GOLGA1: variants seen among roughly 807,000 people sequenced by gnomAD.
The protein encoded by GOLGA1 is golgin A1.
In GOLGA1, 63 loss-of-function variants were observed where a neutral mutation model predicts 119.7. The ratio of observed to expected loss-of-function variants is 0.53; its 90% CI spans 0.43 to 0.65. The LOEUF is 0.65. Among genes scored for constraint, GOLGA1 ranks in the 30% least tolerant of loss-of-function variants. GOLGA1 has a pLI of 0.00. For missense variants in GOLGA1, 798 were observed against 912.8 expected, an observed-to-expected ratio of 0.87 and a Z score of 1.62; for synonymous variants, 318 against 333.4, an observed-to-expected ratio of 0.95 and a Z score of 0.50.
Position 124,935,266 on chromosome 9 carries a change from C to T in GOLGA1, c.135+3311G>A, listed in dbSNP as rs1462363708. Among the ~76,000 whole-genome samples, 5 of 152,058 alleles carry T rather than the reference C, an allele frequency of 3.3e-5. No homozygotes were observed. The East Asian group carries it at 7.7e-4, about 23-fold the overall frequency. ...TTTGGGGATGGGACCCAAGTGTAAA[C>T]GTGAAATTATGTTCCATATACGTTT... On this transcript the variant is annotated intron_variant, in intron 3 of 22. Transcript: ENST00000373555.
intron 7 of GOLGA1, among the ~76,000 whole-genome samples, chr9:124,924,510 T>A (rs1830634916): frequency 6.6e-6 from 1 of 151,686 alleles, no homozygotes; most frequent in Admixed American, 6.6e-5. Flanking sequence ...CATGTGCTTG[T>A]AATCCCAGCT....
chr9:124,930,607 T>A (rs1034615158), intron 4 of GOLGA1, among the ~76,000 whole-genome samples: 2 of 152,236 alleles, frequency 1.3e-5, no homozygotes, highest in African/African-American at 4.8e-5. Context: ...AACTTCGGTC[T>A]GCTGTTTTAC....
At chr9:124,891,307 G>C (rs1261882286) in intron 15 of GOLGA1, among the ~76,000 whole-genome samples, 2 of 152,262 alleles carry the variant, frequency 1.3e-5, no homozygotes, top group Non-Finnish European at 2.9e-5. Context: ...CCCATGCACG[G>C]CTGCCTCTGC....
At chr9:124,925,038 C>G (rs1002321922) in intron 7 of GOLGA1, among the ~76,000 whole-genome samples, 1 of 151,318 alleles carries the variant, frequency 6.6e-6, no homozygotes, top group Non-Finnish European at 1.5e-5. Context: ...CAAGATCATG[C>G]CACTGTACTC....
At chr9:124,904,228 T>G (rs772015589) in intron 12 of GOLGA1, among the ~76,000 whole-genome samples, 2 of 151,692 alleles carry the variant, frequency 1.3e-5, no homozygotes, top group Non-Finnish European at 2.9e-5. Flanking sequence ...GTATCTAGAG[T>G]GTCCAAACTC....
rs1185642532 is a variant in GOLGA1 at position 124,879,710 on chromosome 9, G to A, written c.*820C>T. The A allele has an allele frequency of 1.3e-5, 2 of 151,804 alleles. No individual in the cohort carries two copies. The highest frequency in any genetic ancestry group is 2.9e-5 in the Non-Finnish European group (2 of 67,974). 9.4% of individuals were successfully genotyped at this position (151,804 alleles called of 1,614,324 possible). A position where few individuals can be genotyped will look rare whatever the true frequency, so the allele number is the denominator to read the frequency against. On this transcript the variant is annotated 3_prime_UTR_variant, in exon 23 of 23. Transcript: ENST00000373555. ...AGGAAGAATTTCCTCTGGACGCTCT[G>A]ATTTTAAGAACACCAGTTAAATGGA...
chr9:124,935,112 G>A (rs1830839115), intron 3 of GOLGA1, among the ~76,000 whole-genome samples: 1 of 152,166 alleles, frequency 6.6e-6, no homozygotes, highest in Non-Finnish European at 1.5e-5. Context: ...GTCCCAGAAA[G>A]AAAGGCAGCT....
At position 124,881,663 on chromosome 9, in the gene GOLGA1, C is replaced by G. The variant is rs1296712673; in HGVS notation, c.2136+121G>C. On this transcript the variant is annotated intron_variant, in intron 21 of 22. Transcript: ENST00000373555. This position sits in a 1 kb window ranked among gnomAD's most constrained non-coding sequence, Gnocchi z 4.9. Reference sequence around the variant, plus strand: ...CCAGCAGGAGAAATGACTGGGTGACCACAAGGGCGTCAAACCAGGATGTAC... The same window carrying G: ...CCAGCAGGAGAAATGACTGGGTGACGACAAGGGCGTCAAACCAGGATGTAC... The G allele has an allele frequency of 2.7e-6, 2 of 741,116 alleles. No individual in the cohort carries two copies. Among genetic ancestry groups the G allele is most frequent in the Non-Finnish European group, 4.6e-6 (2 of 436,932 alleles). 45.9% of individuals were successfully genotyped at this position (741,116 alleles called of 1,614,324 possible). A position where few individuals can be genotyped will look rare whatever the true frequency, so the allele number is the denominator to read the frequency against.
At chr9:124,933,548 G>A (rs1241021908) in intron 3 of GOLGA1, among the ~76,000 whole-genome samples, 1 of 152,058 alleles carries the variant, frequency 6.6e-6, no homozygotes, top group Non-Finnish European at 1.5e-5. Context: ...CTGAGTAGCT[G>A]GGACTACAGG....
intron 15 of GOLGA1, among the ~76,000 whole-genome samples, chr9:124,893,869 C>T (rs1248089923): frequency 2.0e-5 from 3 of 152,170 alleles, no homozygotes; most frequent in South Asian, 2.1e-4. Flanking sequence ...CCTGTAGGCT[C>T]CTACAAGCAG....
intron 19 of GOLGA1, among the ~76,000 whole-genome samples, chr9:124,887,016 G>C (rs1042823156): frequency 2.0e-5 from 3 of 152,224 alleles, no homozygotes; most frequent in Non-Finnish European, 4.4e-5. Flanking sequence ...TGCAGGCAGG[G>C]AGCAGGGAAG....
rs774130631 is a variant in GOLGA1 at position 124,889,480 on chromosome 9, G to C, written c.1554C>G (p.Thr518=). 7 of 1,613,936 alleles carry C rather than the reference G, an allele frequency of 4.3e-6. No individual in the cohort carries two copies. The highest frequency in any genetic ancestry group is 1.1e-5 in the South Asian group (1 of 91,078). Residue 518 remains threonine, a synonymous_variant, in exon 17 of 23, where the codon ACC becomes ACG. Transcript: ENST00000373555. ...CCTGCTCTTTCTGGAGAAGCACTTCGGTTTTTTCCCGCAGATTCTGTTCCT... is the reference window on the plus strand; with the variant it reads ...CCTGCTCTTTCTGGAGAAGCACTTCCGTTTTTTCCCGCAGATTCTGTTCCT... ...DEKEQNLREK[T]EVLLQKEQEI... is the part of the protein sequence containing the mutation.
At chr9:124,880,925 C>T (rs1476031689) in intron 22 of GOLGA1, among the ~76,000 whole-genome samples, 2 of 152,180 alleles carry the variant, frequency 1.3e-5, no homozygotes, top group African/African-American at 4.8e-5. Flanking sequence ...CTCGATAAAG[C>T]GCTATCAATG....
upstream of GOLGA1, among the ~76,000 whole-genome samples, chr9:124,941,568 GA>G (rs1831025981): frequency 6.6e-6 from 1 of 152,246 alleles, no homozygotes. Context: ...AGTAGCTCCA[GA>G]AACTAGTCCT....
intron 10 of GOLGA1, among the ~76,000 whole-genome samples, chr9:124,919,934 TTA>T (rs2131481645): frequency 6.6e-6 from 1 of 151,380 alleles, no homozygotes; most frequent in Admixed American, 6.7e-5. Context: ...TTTATTTTAT[TTA>T]TATTTATTTA....
chr9:124,889,905 G>T (rs1829816890), intron 16 of GOLGA1, among the ~76,000 whole-genome samples: 1 of 152,204 alleles, frequency 6.6e-6, no homozygotes, highest in South Asian at 2.1e-4. Context: ...TCCCAGAGGT[G>T]TAAGTAGAAG....
chr9:124,915,331 T>C (rs1330932257), intron 10 of GOLGA1, among the ~76,000 whole-genome samples: 2 of 152,216 alleles, frequency 1.3e-5, no homozygotes, highest in African/African-American at 4.8e-5. Flanking sequence ...TGAGTCCCTA[T>C]CTGTAAAGCT....
At chr9:124,926,669 G>A (rs544156736) in intron 7 of GOLGA1, 40 bp downstream of exon 7, 21 of 1,384,778 alleles carry the variant, frequency 1.5e-5, no homozygotes, top group African/African-American at 1.4e-4. Context: ...CCCCAGAGAC[G>A]AGACCAACAA....
At chr9:124,900,356 C>G (rs1322522182) in intron 13 of GOLGA1, 96 bp downstream of exon 13, 14 of 696,420 alleles carry the variant, frequency 2.0e-5, no homozygotes, top group Non-Finnish European at 3.7e-5. Context: ...GGTCCAGGTA[C>G]CGTTGCCGAA....
Sources: allele counts gnomAD v4.1 joint callset (sites outside exome capture counted in the v4.1 genomes callset), GRCh38; gene constraint gnomAD v4.1.1; non-coding constraint Gnocchi (gnomAD v3.1); transcripts MANE v1.5; gene names NCBI Gene and HGNC (gene_info 2026-07-23, HGNC 2026-07-21).